Variants in KSR2 observed in about 807,000 individuals in gnomAD.
The protein encoded by KSR2 is kinase suppressor of ras 2.
KSR2 carries 25 observed loss-of-function variants against 107.8 expected under a neutral mutation model. That is an observed-to-expected ratio of 0.23 (90% CI 0.17 to 0.32). The LOEUF (loss-of-function observed/expected upper bound fraction) is 0.32, where lower values mean the gene tolerates loss of function less well. Ranked by LOEUF, KSR2 falls within the 10% of genes least tolerant of loss-of-function variation. The pLI, the probability that KSR2 is intolerant of heterozygous loss-of-function variation, is 1.00. For synonymous variants in KSR2, 480 were observed against 507.0 expected (o/e 0.95, Z 0.71); for missense variants, 887 against 1,268.9 (o/e 0.70, Z 4.57).
chr12:117,546,942 CT>C (rs1168131813), intron 9 of KSR2, among the ~76,000 whole-genome samples: 9 of 152,258 alleles, frequency 5.9e-5, no homozygotes, highest in African/African-American at 1.9e-4. Flanking sequence ...ATAATGAATG[CT>C]TTAAAAGTGT....
At chr12:117,630,359 A>ATGTG (rs58496440) in intron 5 of KSR2, among the ~76,000 whole-genome samples, 5 of 151,020 alleles carry the variant, frequency 3.3e-5, no homozygotes, top group East Asian at 3.9e-4. Flanking sequence ...AAGGAAGAAA[A>ATGTG]TGTGTGTGTG....
At chr12:117,626,795 G>T (rs1459932784) in intron 5 of KSR2, among the ~76,000 whole-genome samples, 3 of 152,112 alleles carry the variant, frequency 2.0e-5, no homozygotes, top group East Asian at 3.8e-4. Context: ...GCCTAATATT[G>T]ACAGTGGGGT....
At chr12:117,608,233 T>C (rs530495002) in intron 5 of KSR2, among the ~76,000 whole-genome samples, 2 of 152,328 alleles carry the variant, frequency 1.3e-5, no homozygotes, top group African/African-American at 4.8e-5. Flanking sequence ...TAATATGAGC[T>C]TGCCTAGCCC....
chr12:117,624,806 T>C (rs1328474120), intron 5 of KSR2, among the ~76,000 whole-genome samples: 1 of 152,198 alleles, frequency 6.6e-6, no homozygotes, highest in Non-Finnish European at 1.5e-5. Flanking sequence ...GCATGGCCAT[T>C]TTCATGATAT....
intron 3 of KSR2, among the ~76,000 whole-genome samples, chr12:117,763,046 C>T (rs1369813838): frequency 3.3e-5 from 5 of 152,132 alleles, no homozygotes; most frequent in East Asian, 1.9e-4. Flanking sequence ...CCCTCTCCCC[C>T]GACCCCACAA....
chr12:117,559,358 C>G (rs1877949155), intron 7 of KSR2, among the ~76,000 whole-genome samples: 1 of 152,140 alleles, frequency 6.6e-6, no homozygotes, highest in African/African-American at 2.4e-5. Context: ...CATGCTTTTC[C>G]CATCAGCCTG....
intron 1 of KSR2, among the ~76,000 whole-genome samples, chr12:117,929,931 T>C (rs1895649438): frequency 6.6e-6 from 1 of 152,224 alleles, no homozygotes; most frequent in African/African-American, 2.4e-5. Context: ...TTGGTGATGA[T>C]GTGGCAAGTT....
At chr12:117,794,566 C>T (rs979887663) in intron 3 of KSR2, among the ~76,000 whole-genome samples, 6 of 149,484 alleles carry the variant, frequency 4.0e-5, no homozygotes, top group Admixed American at 6.7e-5. Flanking sequence ...TGCACACACA[C>T]CAACATGCAC....
intron 16 of KSR2, among the ~76,000 whole-genome samples, chr12:117,482,901 T>G (rs1872254514): frequency 6.6e-6 from 1 of 152,204 alleles, no homozygotes; most frequent in Admixed American, 6.5e-5. Flanking sequence ...CCTTTTGTCT[T>G]GATGCAAATA....
chr12:117,719,194 T>C (rs575451707), intron 4 of KSR2, among the ~76,000 whole-genome samples: 4 of 152,308 alleles, frequency 2.6e-5, no homozygotes, highest in African/African-American at 7.2e-5. Context: ...TTTTTCTTGA[T>C]AAATTGAAAC....
intron 4 of KSR2, among the ~76,000 whole-genome samples, chr12:117,711,909 A>G (rs1184363136): frequency 6.6e-6 from 1 of 152,168 alleles, no homozygotes; most frequent in Non-Finnish European, 1.5e-5. Context: ...TCAGGGAGAC[A>G]CCGCTGAGCC....
chr12:117,963,044 G>A (rs1312133638), intron 1 of KSR2, among the ~76,000 whole-genome samples: 2 of 151,674 alleles, frequency 1.3e-5, no homozygotes, highest in Admixed American at 6.6e-5. Flanking sequence ...ACAAAAATTA[G>A]CCAGGCGTGA....
intron 1 of KSR2, among the ~76,000 whole-genome samples, chr12:117,936,533 T>C (rs9738428): frequency 8.4e-6 from 1 of 119,658 alleles, no homozygotes; most frequent in African/African-American, 3.2e-5. Flanking sequence ...ATTATTATTA[T>C]TAGTAGTAGT....
At chr12:117,702,424 G>T (rs184449565) in intron 4 of KSR2, among the ~76,000 whole-genome samples, 1 of 152,322 alleles carries the variant, frequency 6.6e-6, no homozygotes, top group East Asian at 1.9e-4. Flanking sequence ...TGGAATGACT[G>T]TTGGAATGAA....
intron 1 of KSR2, among the ~76,000 whole-genome samples, chr12:117,904,873 T>C (rs1042187373): frequency 2.6e-5 from 4 of 152,182 alleles, no homozygotes; most frequent in Non-Finnish European, 5.9e-5. Context: ...AAATCAGCAA[T>C]TGTTACTTAT....
At chr12:117,609,777 G>C (rs1452664215) in intron 5 of KSR2, among the ~76,000 whole-genome samples, 4 of 152,176 alleles carry the variant, frequency 2.6e-5, no homozygotes, top group Non-Finnish European at 5.9e-5. Context: ...GCTGGGCATT[G>C]TAAGATATTG....
At chr12:117,471,864 T>A (rs1265674078) in intron 17 of KSR2, among the ~76,000 whole-genome samples, 2 of 152,302 alleles carry the variant, frequency 1.3e-5, no homozygotes, top group African/African-American at 4.8e-5. Context: ...GATTTGATAT[T>A]GCTTTTTAAA....
chr12:117,608,663 C>T lies in KSR2; in HGVS notation c.1172-26304G>A, dbSNP rs146219915. 1.5e-3 allele frequency among the ~76,000 whole-genome samples: 222 copies of T among 152,170 alleles called. 2 individuals are homozygous for T. In the East Asian group the frequency reaches 0.031, roughly 21 times the overall value. On this transcript the variant is annotated intron_variant, in intron 5 of 19. Coordinates refer to ENST00000339824, the MANE Select transcript of KSR2 (RefSeq NM_173598.6). ...AAAATAAATAAAATAATAATGAGTA[C>T]GGCAAAATGATTCCAGGATGGATTA...
intron 3 of KSR2, among the ~76,000 whole-genome samples, chr12:117,781,231 T>A (rs1258807074): frequency 6.6e-6 from 1 of 152,234 alleles, no homozygotes; most frequent in East Asian, 1.9e-4. Flanking sequence ...CCCAGTCATG[T>A]GGAATTGTGA....
Sources: gnomAD v4.1 joint callset for allele counts (sites outside exome capture counted in the v4.1 genomes callset) on GRCh38, gnomAD v4.1.1 for gene constraint, MANE v1.5 for transcripts, NCBI Gene and HGNC (gene_info 2026-07-23, HGNC 2026-07-21) for gene names.